DSCAML1: variants seen among roughly 807,000 people sequenced by gnomAD.
The protein encoded by DSCAML1 is cell adhesion molecule DSCAML1.
In DSCAML1, 38 loss-of-function variants were observed where a neutral mutation model predicts 200.5. The observed-to-expected ratio is 0.19, with a 90% CI of 0.15 to 0.25. DSCAML1 has a LOEUF of 0.25. Among genes scored for constraint, DSCAML1 ranks in the 10% least tolerant of loss-of-function variants. The pLI is 1.00. For missense variants in DSCAML1, 2,223 were observed against 2,858.8 expected (o/e 0.78, Z 5.07); for synonymous variants, 1,215 against 1,165.0 (o/e 1.04, Z -0.87).
At chr11:117,432,220 G>T in intron 30 of DSCAML1, 132 bp downstream of exon 30, 4 of 1,094,174 alleles carry the variant, frequency 3.7e-6, no homozygotes, top group Non-Finnish European at 5.1e-6. Context: ...GCTCATTCCA[G>T]TGCTTTCCAT....
intron 3 of DSCAML1, among the ~76,000 whole-genome samples, chr11:117,637,960 T>C (rs1465003913): frequency 6.6e-6 from 1 of 152,182 alleles, no homozygotes; most frequent in Non-Finnish European, 1.5e-5. Flanking sequence ...GCCCATTCTG[T>C]AGAGGCCCCC....
At chr11:117,573,358 A>T (rs1164558094) in intron 3 of DSCAML1, among the ~76,000 whole-genome samples, 4 of 152,228 alleles carry the variant, frequency 2.6e-5, no homozygotes, top group Non-Finnish European at 5.9e-5. Flanking sequence ...ATCCCCTCTC[A>T]GCTGGGCTGC....
Position 117,478,138 on chromosome 11 carries a change from G to A in DSCAML1, c.2785+2305C>T, listed in dbSNP as rs1033009601. Reference sequence around the variant, plus strand: ...TTGCCTTCTGCCTTGCTCTCCAGACGTGTGATGTTCTCCACATTGCCCCTG... The same window carrying A: ...TTGCCTTCTGCCTTGCTCTCCAGACATGTGATGTTCTCCACATTGCCCCTG... On this transcript the variant is annotated intron_variant, in intron 14 of 32. Coordinates refer to ENST00000651296, the MANE Select transcript of DSCAML1 (RefSeq NM_020693.4). Among the ~76,000 whole-genome samples the A allele has an allele frequency of 2.6e-5, 4 of 152,208 alleles. No homozygotes were observed. In the East Asian group the frequency reaches 5.8e-4, roughly 22 times the overall value.
chr11:117,753,118 CCT>C (rs2054629770), intron 3 of DSCAML1, among the ~76,000 whole-genome samples: 1 of 152,320 alleles, frequency 6.6e-6, no homozygotes, highest in Non-Finnish European at 1.5e-5. Flanking sequence ...CCTCTCTAAG[CCT>C]CTGTTTCCTT....
chr11:117,719,369 G>C (rs577558344), intron 3 of DSCAML1, among the ~76,000 whole-genome samples: 1 of 152,208 alleles, frequency 6.6e-6, no homozygotes, highest in African/African-American at 2.4e-5. Context: ...ACTTGAACCC[G>C]GGCGGCGAAG....
intron 3 of DSCAML1, among the ~76,000 whole-genome samples, chr11:117,766,936 G>A (rs2054908257): frequency 1.3e-5 from 2 of 152,136 alleles, no homozygotes; most frequent in South Asian, 4.1e-4. Context: ...GGTGCTTTGA[G>A]AGCTCCTAGG....
chr11:117,666,601 C>T lies in DSCAML1; in HGVS notation c.511+110190G>A, dbSNP rs935947142. 5.9e-5 allele frequency among the ~76,000 whole-genome samples: 9 copies of T among 152,256 alleles called. No homozygotes were observed. In the East Asian group the frequency reaches 1.7e-3, roughly 29 times the overall value. ...CTCTCTCCCTCACTGAGCCTGTGTCCCACCCCCAGTTCTGCAGAACAGCCT... is the reference window on the plus strand; with the variant it reads ...CTCTCTCCCTCACTGAGCCTGTGTCTCACCCCCAGTTCTGCAGAACAGCCT... On this transcript the variant is annotated intron_variant, in intron 3 of 32. Coordinates refer to ENST00000651296, the MANE Select transcript of DSCAML1 (RefSeq NM_020693.4).
At chr11:117,812,568 C>T (rs907067465) in intron 1 of DSCAML1, among the ~76,000 whole-genome samples, 6 of 151,890 alleles carry the variant, frequency 4.0e-5, no homozygotes, top group Admixed American at 6.6e-5. Flanking sequence ...AGCCTCTCTT[C>T]GCTTCACTTG....
intron 8 of DSCAML1, among the ~76,000 whole-genome samples, chr11:117,509,093 C>T (rs954142057): frequency 3.9e-5 from 6 of 152,028 alleles, no homozygotes; most frequent in African/African-American, 7.2e-5. Context: ...GGGAGCTTCT[C>T]GTTTACTAGG....
chr11:117,781,024 C>T (rs1245184389), intron 1 of DSCAML1, among the ~76,000 whole-genome samples: 1 of 152,114 alleles, frequency 6.6e-6, no homozygotes. Context: ...CCTTCGGGTG[C>T]GGCGGCTCAT....
rs1277392189 is a variant in DSCAML1, at chr11:117,482,413, C to T, written c.2360-251G>A. Among the ~76,000 whole-genome samples the T allele has an allele frequency of 2.0e-5, 3 of 152,210 alleles. No individual in the cohort carries two copies. The East Asian group carries it at 5.8e-4, about 29-fold the overall frequency. On this transcript the variant is annotated intron_variant, in intron 11 of 32. Transcript: ENST00000651296. ...GTGGCCTGTGCTCAGAATGCTTTTA[C>T]AGGTATGCCATACATAGAACTATAA...
chr11:117,586,931 G>A (rs2051155583), intron 3 of DSCAML1, among the ~76,000 whole-genome samples: 1 of 152,230 alleles, frequency 6.6e-6, no homozygotes, highest in Non-Finnish European at 1.5e-5. Context: ...CTGGAGTGGA[G>A]TGATGCCCAG....
rs35130897 is a variant in DSCAML1, at chr11:117,539,606, C to CAAAAAAAAAAAAAAAAAAAAA, written c.512-7105_512-7085dup. ...CTGGGCAACAAGAGTAAAACTCTGTCAAAAAAAAAAAAAAAAAAAAAAAAG... is the reference window on the plus strand; with the variant it reads ...CTGGGCAACAAGAGTAAAACTCTGTCAAAAAAAAAAAAAAAAAAAAAAAAAAAAAAAAAAAAAAAAAAAAAG... On this transcript the variant is annotated intron_variant, in intron 3 of 32. Coordinates refer to ENST00000651296, the MANE Select transcript of DSCAML1 (RefSeq NM_020693.4). 1.4e-3 allele frequency among the ~76,000 whole-genome samples: 71 copies of CAAAAAAAAAAAAAAAAAAAAA among 52,576 alleles called. 1 individual carries two copies. Among genetic ancestry groups the CAAAAAAAAAAAAAAAAAAAAA allele is most frequent in the Non-Finnish European group, 1.7e-3 (47 of 28,082 alleles). 34.5% of individuals were successfully genotyped at this position (52,576 alleles called of 152,430 possible).
At chr11:117,630,353 A>C (rs2052144238) in intron 3 of DSCAML1, among the ~76,000 whole-genome samples, 1 of 152,138 alleles carries the variant, frequency 6.6e-6, no homozygotes, top group Non-Finnish European at 1.5e-5. Context: ...CAACACACAC[A>C]ACACACATCT....
chr11:117,803,813 A>G (rs1465015413), intron 1 of DSCAML1, among the ~76,000 whole-genome samples: 1 of 152,232 alleles, frequency 6.6e-6, no homozygotes, highest in East Asian at 1.9e-4. Flanking sequence ...GAGAAGAGAA[A>G]GTCAAGGCCC....
At chr11:117,483,948 G>T (rs2048983168) in intron 11 of DSCAML1, among the ~76,000 whole-genome samples, 1 of 151,500 alleles carries the variant, frequency 6.6e-6, no homozygotes, top group Admixed American at 6.6e-5. Context: ...ACCCTATCCT[G>T]GTCACTGGCC....
At chr11:117,706,231 C>T (rs75819084) in intron 3 of DSCAML1, among the ~76,000 whole-genome samples, 1,849 of 152,300 alleles carry the variant, frequency 0.012, 19 homozygotes, top group East Asian at 0.04. Flanking sequence ...TTTACATGAG[C>T]TGTGTCTGCT....
At chr11:117,649,223 G>A (rs562189325) in intron 3 of DSCAML1, among the ~76,000 whole-genome samples, 132 of 152,026 alleles carry the variant, frequency 8.7e-4, no homozygotes, top group Admixed American at 3.9e-3. Flanking sequence ...GATTACAGGC[G>A]TGCACCCCCA....
chr11:117,623,806 G>A (rs1388764274), intron 3 of DSCAML1, among the ~76,000 whole-genome samples: 1 of 152,142 alleles, frequency 6.6e-6, no homozygotes, highest in Non-Finnish European at 1.5e-5. Context: ...AATAGACGAG[G>A]TAGCCCAAGA....
Sources: allele counts gnomAD v4.1 joint callset (sites outside exome capture counted in the v4.1 genomes callset), GRCh38; gene constraint gnomAD v4.1.1; transcripts MANE v1.5; gene names NCBI Gene and HGNC (gene_info 2026-07-23, HGNC 2026-07-21).